The following PPP2R1A variants were observed in gnomAD, a reference collection of about 807,000 sequenced individuals.
The protein encoded by PPP2R1A is serine/threonine-protein phosphatase 2A 65 kDa regulatory subunit A alpha isoform.
A neutral mutation model predicts 67.1 loss-of-function variants in PPP2R1A; 15 were observed. That is an observed-to-expected ratio of 0.22 (90% CI 0.15 to 0.34). The LOEUF (loss-of-function observed/expected upper bound fraction) is 0.34, where lower values mean the gene tolerates loss of function less well. Among genes scored for constraint, PPP2R1A ranks in the 10% least tolerant of loss-of-function variants. PPP2R1A has a pLI of 1.00. For synonymous variants in PPP2R1A, 337 were observed against 325.0 expected, an observed-to-expected ratio of 1.04 and a Z score of -0.40; for missense variants, 369 against 775.0, an observed-to-expected ratio of 0.48 and a Z score of 6.22.
chr19:52,226,278 G>C lies in PPP2R1A; in HGVS notation c.*297G>C, dbSNP rs1448454441. ...TCCCGGGTCACTGGATCCTGCTGCTGTAATGGGAACCCCTCCCCCATTTAC... is the reference window on the plus strand; with the variant it reads ...TCCCGGGTCACTGGATCCTGCTGCTCTAATGGGAACCCCTCCCCCATTTAC... On this transcript the variant is annotated 3_prime_UTR_variant, in exon 15 of 15. Coordinates refer to ENST00000322088, the MANE Select transcript of PPP2R1A (RefSeq NM_014225.6). The C allele has an allele frequency of 8.5e-6, 4 of 472,620 alleles. No homozygotes were observed. Among genetic ancestry groups the C allele is most frequent in the African/African-American group, 7.9e-5 (4 of 50,818 alleles). 29.3% of individuals were successfully genotyped at this position (472,620 alleles called of 1,614,324 possible).
At position 52,226,899 on chromosome 19, in the gene PPP2R1A, G is replaced by T. The variant is rs1483840275; in HGVS notation, c.*918G>T. The T allele has an allele frequency of 1.3e-5, 2 of 152,200 alleles. No individual in the cohort carries two copies. Among genetic ancestry groups the T allele is most frequent in the Non-Finnish European group, 2.9e-5 (2 of 68,034 alleles). 9.4% of individuals were successfully genotyped at this position (152,200 alleles called of 1,614,324 possible). On this transcript the variant is annotated 3_prime_UTR_variant, in exon 15 of 15. Coordinates refer to ENST00000322088, the MANE Select transcript of PPP2R1A (RefSeq NM_014225.6). Reference sequence around the variant, plus strand: ...AGAAGTACACAACATGAGAAGCAGAGTTAGCTGTACATTGCCAGAGAACCC... The same window carrying T: ...AGAAGTACACAACATGAGAAGCAGATTTAGCTGTACATTGCCAGAGAACCC...
In PPP2R1A at chr19:52,212,863, C is replaced by A. The variant is rs776374838; in HGVS notation, c.651+30C>A. The A allele has an allele frequency of 1.9e-6, 3 of 1,578,252 alleles. No individual in the cohort carries two copies. Among genetic ancestry groups the A allele is most frequent in the East Asian group, 4.5e-5 (2 of 44,500 alleles). On this transcript the variant is annotated intron_variant, in intron 5 of 14. Coordinates refer to ENST00000322088, the MANE Select transcript of PPP2R1A (RefSeq NM_014225.6). The surrounding 1 kb of genome is among the most constrained non-coding windows in gnomAD (Gnocchi z 4.1). ...GTTTTGCTTCCTGGCCCTCTGCTCT[C>A]CCGTCCTTCTGGTGGTTCCTGCCCA...
chr19:52,211,384 T>C lies in PPP2R1A; in HGVS notation c.395T>C (p.Val132Ala), dbSNP rs1379283135. 6.2e-7 allele frequency: 1 copy of C among 1,614,180 alleles called. No homozygotes were observed. ...SDLEAHFVPL[V>A]KRLAGGDWFT... ...CTGGAGGCGCACTTTGTGCCGCTAG[T>C]GAAGCGGCTGGCGGGCGGCGACTGG... Residue 132 changes from valine to alanine, a missense_variant, in exon 4 of 15, where the codon GTG (valine) becomes GCG (alanine). Physicochemically the swap from Val to Ala is moderately conservative, Grantham distance 64. This residue lies in a region of PPP2R1A where 93 missense variants were observed against 266.5 expected (regional missense o/e 0.35). Coordinates refer to ENST00000322088, the MANE Select transcript of PPP2R1A (RefSeq NM_014225.6). This position sits in a 1 kb window ranked among gnomAD's most constrained non-coding sequence, Gnocchi z 5.3.
intron 13 of PPP2R1A, among the ~76,000 whole-genome samples, chr19:52,225,366 G>A (rs1162978150): frequency 3.3e-5 from 5 of 152,074 alleles, no homozygotes; most frequent in Non-Finnish European, 5.9e-5. Flanking sequence ...ATTTATGGGG[G>A]TATAGTAGTG....
Position 52,227,924 on chromosome 19 carries a change from T to G in PPP2R1A, c.*1943T>G, listed in dbSNP as rs1332896963. 1.3e-5 allele frequency: 2 copies of G among 152,140 alleles called. No homozygotes were observed. Among genetic ancestry groups the G allele is most frequent in the Non-Finnish European group, 2.9e-5 (2 of 68,036 alleles). The allele number at this position is 152,140 out of a possible 1,614,324, so 9.4% of individuals were successfully genotyped here. ...AGCCTTTGCATTCTCAGGAGCTTGT[T>G]AGAAATGCAGAGCCTCTCGTCCCTG... On this transcript the variant is annotated 3_prime_UTR_variant, in exon 15 of 15. Coordinates refer to ENST00000322088, the MANE Select transcript of PPP2R1A (RefSeq NM_014225.6).
chr19:52,190,055 A>AC lies in PPP2R1A; in HGVS notation c.-41dup. On this transcript the variant is annotated 5_prime_UTR_variant, in exon 1 of 15. Coordinates refer to ENST00000322088, the MANE Select transcript of PPP2R1A (RefSeq NM_014225.6). ...AGCATTGCCCCCCCCACGTTTCAGC[A>AC]CAGCGCTGGCCGCAGTCTGACAGGA... 6.8e-7 allele frequency: 1 copy of AC among 1,464,976 alleles called. No homozygotes were observed. The allele number at this position is 1,464,976 out of a possible 1,614,324, so 90.7% of individuals were successfully genotyped here. A position where few individuals can be genotyped will look rare whatever the true frequency, so the allele number is the denominator to read the frequency against.
At chr19:52,214,663 T>C (rs1600169272) in intron 6 of PPP2R1A, among the ~76,000 whole-genome samples, 1 of 152,130 alleles carries the variant, frequency 6.6e-6, no homozygotes, top group Non-Finnish European at 1.5e-5. Context: ...GAACCAGCTT[T>C]GCAGCAGGAG....
intron 10 of PPP2R1A, 46 bp from the exon 11 acceptor site, chr19:52,220,143 T>A (rs372970070): frequency 6.3e-7 from 1 of 1,590,002 alleles, no homozygotes; most frequent in Non-Finnish European, 8.6e-7. Flanking sequence ...TCCCCCTGTT[T>A]GCTCTCCTGG....
Position 52,213,974 on chromosome 19 carries a change from G to A in PPP2R1A, c.807+864G>A, listed in dbSNP as rs775830330. 3.9e-4 allele frequency among the ~76,000 whole-genome samples: 60 copies of A among 152,082 alleles called. No individual in the cohort carries two copies. Among genetic ancestry groups the A allele is most frequent in the Non-Finnish European group, 8.1e-4 (55 of 68,016 alleles). On this transcript the variant is annotated intron_variant, in intron 6 of 14. Transcript: ENST00000322088. This position sits in a 1 kb window ranked among gnomAD's most constrained non-coding sequence, Gnocchi z 4.2. ...AATTCGGATCATTCCTGGCCTTCAT[G>A]GAGCTAGGCAGTCTGAAGGGGAAGA... is the stretch of plus-strand genomic sequence containing the variant.
chr19:52,212,480 C>T lies in PPP2R1A; in HGVS notation c.504-206C>T. 1 of 599,784 alleles carries T rather than the reference C, an allele frequency of 1.7e-6. No individual in the cohort carries two copies. Among genetic ancestry groups the T allele is most frequent in the Non-Finnish European group, 2.9e-6 (1 of 343,274 alleles). The allele number at this position is 599,784 out of a possible 1,614,324, so 37.2% of individuals were successfully genotyped here. A position where few individuals can be genotyped will look rare whatever the true frequency, so the allele number is the denominator to read the frequency against. The stretch of plus-strand genomic sequence containing the variant: ...CAATCTGCGAAGTGTCTCACACACA[C>T]TATTTTCATTTAAACCTCATGCGGA... On this transcript the variant is annotated intron_variant, in intron 4 of 14. Coordinates refer to ENST00000322088, the MANE Select transcript of PPP2R1A (RefSeq NM_014225.6). The surrounding 1 kb of genome is among the most constrained non-coding windows in gnomAD (Gnocchi z 4.1).
intron 1 of PPP2R1A, among the ~76,000 whole-genome samples, chr19:52,200,053 C>A (rs1017532572): frequency 3.3e-5 from 5 of 152,244 alleles, no homozygotes; most frequent in African/African-American, 1.2e-4. Flanking sequence ...GAACCCAACT[C>A]ACGCAAGATC....
At chr19:52,206,102 G>A (rs1310326582) in intron 3 of PPP2R1A, 39 bp downstream of exon 3, 1 of 1,584,876 alleles carries the variant, frequency 6.3e-7, no homozygotes, top group Admixed American at 1.7e-5. Flanking sequence ...CCACCCCTTA[G>A]GGTCGGCCCA....
At position 52,219,637 on chromosome 19, in the gene PPP2R1A, C is replaced by T. The variant is rs1978796382; in HGVS notation, c.1129-54C>T. 3.9e-6 allele frequency: 6 copies of T among 1,533,688 alleles called. No individual in the cohort carries two copies. The Admixed American group carries it at 5.2e-5, about 13-fold the overall frequency. On this transcript the variant is annotated intron_variant, in intron 9 of 14. Transcript: ENST00000322088. The surrounding 1 kb of genome is among the most constrained non-coding windows in gnomAD (Gnocchi z 4.0). The stretch of plus-strand genomic sequence containing the variant: ...TGCAGCTGAGCTCTTTCCATCCTGT[C>T]CTGGGTTGCTGTGTGCATTGCATTC...
rs1979382024 is a variant in PPP2R1A at position 52,228,303 on chromosome 19, G to A, written c.*2322G>A. ...GTATGAGAGACGAGGGTGAAGGATA[G>A]CTTGAGTTATTGAACGCTGGCAGAG... On this transcript the variant is annotated 3_prime_UTR_variant, in exon 15 of 15. Coordinates refer to ENST00000322088, the MANE Select transcript of PPP2R1A (RefSeq NM_014225.6). 1 of 152,242 alleles carries A rather than the reference G, an allele frequency of 6.6e-6. No homozygotes were observed. Among genetic ancestry groups the A allele is most frequent in the African/African-American group, 2.4e-5 (1 of 41,448 alleles). The allele number at this position is 152,242 out of a possible 1,614,324, so 9.4% of individuals were successfully genotyped here.
At position 52,216,447 on chromosome 19, in the gene PPP2R1A, C is replaced by A; in HGVS notation, c.994-82C>A. 6.5e-7 allele frequency: 1 copy of A among 1,539,450 alleles called. No homozygotes were observed. On this transcript the variant is annotated intron_variant, in intron 8 of 14. Transcript: ENST00000322088. The surrounding 1 kb of genome is among the most constrained non-coding windows in gnomAD (Gnocchi z 4.3). ...GAGAGGGGCAGAAGCAGGTTATTGT[C>A]TCTTAGGAGTTGGCATCTGCTTAGC...
At chr19:52,215,067 T>C (rs1978482901) in intron 6 of PPP2R1A, among the ~76,000 whole-genome samples, 1 of 152,118 alleles carries the variant, frequency 6.6e-6, no homozygotes, top group African/African-American at 2.4e-5. Flanking sequence ...TGTTTTATTT[T>C]TATTTTGAGA....
At chr19:52,193,444 A>G (rs2122278473) in intron 1 of PPP2R1A, among the ~76,000 whole-genome samples, 1 of 152,360 alleles carries the variant, frequency 6.6e-6, no homozygotes, top group African/African-American at 2.4e-5. Context: ...GGAACAAAAC[A>G]GCAAAGCTGC....
intron 1 of PPP2R1A, among the ~76,000 whole-genome samples, chr19:52,194,130 TACAGGGA>T (rs1400805142): frequency 3.9e-5 from 5 of 127,696 alleles, no homozygotes; most frequent in Admixed American, 7.9e-5. Flanking sequence ...ATAAGACAGG[TACAGGGA>T]ATAGAGCAAG....
chr19:52,192,952 C>T lies in PPP2R1A; in HGVS notation c.78+2778C>T, dbSNP rs545287011. ...GTTGCATGGTTGTAACAGAGATGGCCGCAAAGCTTCAAATATTTGCTGTCT... is the reference window on the plus strand; with the variant it reads ...GTTGCATGGTTGTAACAGAGATGGCTGCAAAGCTTCAAATATTTGCTGTCT... On this transcript the variant is annotated intron_variant, in intron 1 of 14. Transcript: ENST00000322088. 8.5e-5 allele frequency among the ~76,000 whole-genome samples: 13 copies of T among 152,256 alleles called. 1 individual carries two copies. The highest frequency in any genetic ancestry group is 2.9e-4 in the African/African-American group (12 of 41,540).
Sources: allele counts gnomAD v4.1 joint callset (sites outside exome capture counted in the v4.1 genomes callset), GRCh38; gene constraint gnomAD v4.1.1; regional missense constraint gnomAD v4.1.1; non-coding constraint Gnocchi (gnomAD v3.1); transcripts MANE v1.5; gene names NCBI Gene and HGNC (gene_info 2026-07-23, HGNC 2026-07-21).